The following EFCAB5 variants were observed in gnomAD, a reference collection of about 807,000 sequenced individuals.
The protein encoded by EFCAB5 is EF-hand calcium-binding domain-containing protein 5.
In EFCAB5, 131 loss-of-function variants were observed where a neutral mutation model predicts 167.9. The ratio of observed to expected loss-of-function variants is 0.78; its 90% CI spans 0.68 to 0.90. EFCAB5 has a LOEUF of 0.90. Ranked by LOEUF, EFCAB5 falls within the 40% of genes least tolerant of loss-of-function variation. The pLI, the probability that EFCAB5 is intolerant of heterozygous loss-of-function variation, is 0.00. For synonymous variants in EFCAB5, 574 were observed against 602.8 expected (o/e 0.95, Z 0.70); for missense variants, 1,663 against 1,745.2 (o/e 0.95, Z 0.84).
Position 30,059,807 on chromosome 17 carries a change from T to C in EFCAB5, c.2737+106T>C, listed in dbSNP as rs1033424639. ...TACTGGTTATGCTAAAACCACTAGA[T>C]AACCCTTCATGTCTACCAGTATAGA... On this transcript the variant is annotated intron_variant, in intron 14 of 22. Coordinates refer to ENST00000394835, the MANE Select transcript of EFCAB5 (RefSeq NM_198529.4). 8.4e-6 allele frequency: 7 copies of C among 835,356 alleles called. No homozygotes were observed. In the African/African-American group the frequency reaches 1.0e-4, roughly 12 times the overall value. The allele number at this position is 835,356 out of a possible 1,614,324, so 51.7% of individuals were successfully genotyped here. A position where few individuals can be genotyped will look rare whatever the true frequency, so the allele number is the denominator to read the frequency against.
At position 29,932,021 on chromosome 17, in the gene EFCAB5, G is replaced by A. The variant is rs531933438; in HGVS notation, c.-127+2692G>A. Among the ~76,000 whole-genome samples, 4 of 152,204 alleles carry A rather than the reference G, an allele frequency of 2.6e-5. No homozygotes were observed. The South Asian group carries it at 8.3e-4, about 32-fold the overall frequency. ...TCCAGCTCTAAAACCTTATGCAAAT[G>A]GCTTGAACTTTTTGAGCTTTAATTC... is the stretch of plus-strand genomic sequence containing the variant. On this transcript the variant is annotated intron_variant, in intron 1 of 3. Coordinates refer to the EFCAB5 transcript ENST00000448319.
intron 4 of EFCAB5, among the ~76,000 whole-genome samples, chr17:29,992,259 T>C (rs909693547): frequency 6.6e-6 from 1 of 152,202 alleles, no homozygotes; most frequent in Admixed American, 6.5e-5. Context: ...CTTTTTTCAC[T>C]TAGCATAATG....
intron 3 of EFCAB5, chr17:29,968,236 T>C (rs1274919701): frequency 2.4e-6 from 1 of 413,712 alleles, no homozygotes; most frequent in African/African-American, 2.1e-5. Context: ...AATCACTTGT[T>C]ATCAGAGAAT....
chr17:29,930,185 C>G (rs1048688258), intron 1 of EFCAB5: 6 of 580,842 alleles, frequency 1.0e-5, no homozygotes, highest in African/African-American at 1.9e-5. Context: ...ACTGACGCTC[C>G]GAACGGGCGG....
intron 3 of EFCAB5, among the ~76,000 whole-genome samples, chr17:29,953,693 T>G (rs1176918921): frequency 2.0e-5 from 3 of 152,222 alleles, no homozygotes; most frequent in Non-Finnish European, 4.4e-5. Flanking sequence ...TACAGTAAAT[T>G]GGTGCCAGAA....
chr17:30,108,071 G>A lies in EFCAB5; in HGVS notation c.*47G>A, dbSNP rs1181212539. 2 of 1,535,992 alleles carry A rather than the reference G, an allele frequency of 1.3e-6. No homozygotes were observed. The highest frequency in any genetic ancestry group is 1.7e-6 in the Non-Finnish European group (2 of 1,149,306). Reference sequence around the variant, plus strand: ...ATACTGTATTTAGGATCCTTTGTTTGTTATCAGTTTTGTTTGTTAACTATA... The same window carrying A: ...ATACTGTATTTAGGATCCTTTGTTTATTATCAGTTTTGTTTGTTAACTATA... On this transcript the variant is annotated 3_prime_UTR_variant, in exon 23 of 23. Coordinates refer to ENST00000394835, the MANE Select transcript of EFCAB5 (RefSeq NM_198529.4).
At chr17:30,101,732 C>CGGA (rs1403488775) in intron 22 of EFCAB5, among the ~76,000 whole-genome samples, 1 of 152,032 alleles carries the variant, frequency 6.6e-6, no homozygotes, top group Non-Finnish European at 1.5e-5. Context: ...GTGTGGTAAC[C>CGGA]GGAGGAGGAA....
intron 14 of EFCAB5, among the ~76,000 whole-genome samples, chr17:30,075,814 C>G (rs969806231): frequency 2.6e-5 from 4 of 152,152 alleles, no homozygotes; most frequent in Non-Finnish European, 1.5e-5. Context: ...CTTCACCTGT[C>G]CAGAAACAGA....
chr17:30,035,289 T>C (rs1461292554), intron 8 of EFCAB5, among the ~76,000 whole-genome samples: 1 of 152,222 alleles, frequency 6.6e-6, no homozygotes, highest in Non-Finnish European at 1.5e-5. Flanking sequence ...TATTCTCTGT[T>C]GGCCAATTTA....
intron 1 of EFCAB5, among the ~76,000 whole-genome samples, chr17:29,935,180 A>T (rs901997083): frequency 5.3e-5 from 8 of 152,160 alleles, no homozygotes; most frequent in Admixed American, 2.6e-4. Context: ...TGTTGCCTTC[A>T]CTTGGTTGTA....
chr17:29,941,917 T>G, intron 1 of EFCAB5, 79 bp downstream of exon 1: 1 of 1,289,692 alleles, frequency 7.8e-7, no homozygotes, highest in African/African-American at 1.5e-5. Flanking sequence ...AGATGCAATA[T>G]CACAGTCTAT....
Position 29,970,663 on chromosome 17 carries a change from CACACAT to C in EFCAB5, c.767+1302_767+1307del, listed in dbSNP as rs1209405122. Reference sequence around the variant, plus strand: ...ACACACACACACACACACACACACACACACATACACACACACACACACACACACACC... The same window carrying C: ...ACACACACACACACACACACACACACACACACACACACACACACACACACC... On this transcript the variant is annotated intron_variant, in intron 4 of 22. Coordinates refer to ENST00000394835, the MANE Select transcript of EFCAB5 (RefSeq NM_198529.4). 6.3e-3 allele frequency among the ~76,000 whole-genome samples: 850 copies of C among 133,994 alleles called. 8 individuals carry two copies. The highest frequency in any genetic ancestry group is 0.019 in the African/African-American group (566 of 29,934). 87.9% of individuals were successfully genotyped at this position (133,994 alleles called of 152,430 possible).
At chr17:30,069,136 G>A (rs1427005460) in intron 14 of EFCAB5, 6 of 1,540,756 alleles carry the variant, frequency 3.9e-6, no homozygotes, top group Non-Finnish European at 5.4e-6. Flanking sequence ...ATCTAAGCTG[G>A]AACCAGAACC....
At chr17:29,965,042 C>T (rs1010246914) in intron 3 of EFCAB5, among the ~76,000 whole-genome samples, 5 of 151,810 alleles carry the variant, frequency 3.3e-5, no homozygotes, top group African/African-American at 4.8e-5. Flanking sequence ...GTTCGGACTA[C>T]AGGCGCCTGC....
At chr17:29,971,035 C>A (rs1029323782) in intron 4 of EFCAB5, among the ~76,000 whole-genome samples, 2 of 150,878 alleles carry the variant, frequency 1.3e-5, no homozygotes, top group Non-Finnish European at 2.9e-5. Flanking sequence ...AGATGCACCA[C>A]TACACTCCAG....
chr17:30,003,563 G>A (rs921669317), intron 7 of EFCAB5, among the ~76,000 whole-genome samples: 1 of 150,250 alleles, frequency 6.7e-6, no homozygotes, highest in Non-Finnish European at 1.5e-5. Context: ...GTGGTTTTGG[G>A]GAGGGGAGAA....
intron 7 of EFCAB5, among the ~76,000 whole-genome samples, chr17:30,023,637 T>C (rs1468769752): frequency 6.6e-6 from 1 of 151,998 alleles, no homozygotes; most frequent in Non-Finnish European, 1.5e-5. Flanking sequence ...TCTGAAACTA[T>C]TCCAATCAAT....
chr17:29,940,019 A>G (rs139426255), upstream of EFCAB5, among the ~76,000 whole-genome samples: 19 of 150,928 alleles, frequency 1.3e-4, no homozygotes, highest in East Asian at 3.7e-3. Context: ...TTTTGTGTGT[A>G]CCTCTACTCT....
intron 3 of EFCAB5, chr17:29,968,386 T>TA: frequency 2.2e-6 from 1 of 447,908 alleles, no homozygotes; most frequent in Non-Finnish European, 4.5e-6. Flanking sequence ...AGGGAAGTCT[T>TA]AGAGTGGGGA....
Sources: allele counts gnomAD v4.1 joint callset (sites outside exome capture counted in the v4.1 genomes callset), GRCh38; gene constraint gnomAD v4.1.1; transcripts MANE v1.5; gene names NCBI Gene and HGNC (gene_info 2026-07-23, HGNC 2026-07-21).